Variants in SORBS2 observed in about 807,000 individuals in gnomAD.
The protein encoded by SORBS2 is sorbin and SH3 domain containing 2.
SORBS2 carries 46 observed loss-of-function variants against 97.7 expected under a neutral mutation model. That is an observed-to-expected ratio of 0.47 (90% CI 0.37 to 0.60). SORBS2 has a LOEUF of 0.60. SORBS2 is among the 20% of genes least tolerant of loss of function. The pLI is 0.00. For synonymous variants in SORBS2, 476 were observed against 473.4 expected, an observed-to-expected ratio of 1.01 and a Z score of -0.07; for missense variants, 1,316 against 1,282.3, an observed-to-expected ratio of 1.03 and a Z score of -0.40.
At chr4:185,908,826 C>T (rs75351232) in intron 1 of SORBS2, among the ~76,000 whole-genome samples, 4,411 of 151,880 alleles carry the variant, frequency 0.029, 206 homozygotes, top group African/African-American at 0.1. Context: ...AAACATGAAA[C>T]CATAAGGCTC....
At chr4:185,942,849 T>C (rs1248238400) in intron 1 of SORBS2, among the ~76,000 whole-genome samples, 1 of 152,244 alleles carries the variant, frequency 6.6e-6, no homozygotes, top group Non-Finnish European at 1.5e-5. Flanking sequence ...GACTGGTTCA[T>C]AATCTGATAG....
At chr4:185,784,481 A>G (rs2099046920) in intron 1 of SORBS2, among the ~76,000 whole-genome samples, 1 of 152,138 alleles carries the variant, frequency 6.6e-6, no homozygotes, top group African/African-American at 2.4e-5. Context: ...ACTGAAATGC[A>G]GATGTCATTC....
intron 1 of SORBS2, among the ~76,000 whole-genome samples, chr4:185,792,492 G>A (rs1364675459): frequency 1.3e-5 from 2 of 148,242 alleles, no homozygotes; most frequent in African/African-American, 5.0e-5. Context: ...CGACTCCATC[G>A]AAAAGAAAAG....
chr4:185,662,253 C>A lies in SORBS2; in HGVS notation c.-45-11G>T. The A allele has an allele frequency of 1.3e-6, 2 of 1,595,490 alleles. No individual in the cohort carries two copies. The highest frequency in any genetic ancestry group is 1.7e-6 in the Non-Finnish European group (2 of 1,170,332). ...CACTGTTATCTGGCTCTGAGAAAAG[C>A]GCAAAGGCATCGAGTTAAATTAGCA... On this transcript the variant is annotated splice_polypyrimidine_tract_variant and intron_variant, in intron 4 of 20. Transcript: ENST00000284776.
rs564051522 is a variant in SORBS2, at chr4:185,591,455, G to A, written c.2847-1670C>T. On this transcript the variant is annotated intron_variant, in intron 13 of 14. Transcript: ENST00000418609. ...ACAGGCAGGTGTGGAATACAGAAACGTCACCTGATTTGGATGTTTGCATGT... is the reference window on the plus strand; with the variant it reads ...ACAGGCAGGTGTGGAATACAGAAACATCACCTGATTTGGATGTTTGCATGT... Among the ~76,000 whole-genome samples, 9 of 152,278 alleles carry A rather than the reference G, an allele frequency of 5.9e-5. No homozygotes were observed. The South Asian group carries it at 1.9e-3, about 32-fold the overall frequency.
At chr4:185,743,710 C>T (rs1306128202) in intron 2 of SORBS2, among the ~76,000 whole-genome samples, 1 of 152,000 alleles carries the variant, frequency 6.6e-6, no homozygotes, top group Non-Finnish European at 1.5e-5. Flanking sequence ...ATGGTGAGCC[C>T]CTCCTCCTCC....
intron 11 of SORBS2, among the ~76,000 whole-genome samples, chr4:185,612,496 T>TC (rs2153405266): frequency 6.6e-6 from 1 of 150,936 alleles, no homozygotes; most frequent in African/African-American, 2.4e-5. Flanking sequence ...TTTCTATTTT[T>TC]TTTTTTTTTT....
chr4:185,828,915 G>A (rs896280039), intron 1 of SORBS2, among the ~76,000 whole-genome samples: 1 of 152,158 alleles, frequency 6.6e-6, no homozygotes, highest in African/African-American at 2.4e-5. Context: ...TCCAAGTGTG[G>A]CTGGAATCTG....
chr4:185,852,202 G>A (rs528236575), intron 1 of SORBS2, among the ~76,000 whole-genome samples: 34 of 152,140 alleles, frequency 2.2e-4, no homozygotes, highest in African/African-American at 7.2e-4. Context: ...CTGTAAATTC[G>A]GCTCCTATTT....
intron 13 of SORBS2, chr4:185,592,891 TAC>T (rs2095987002): frequency 6.6e-6 from 1 of 152,196 alleles, no homozygotes; most frequent in Non-Finnish European, 1.5e-5. Context: ...CTTTCCAAAA[TAC>T]AGACTTTCCC....
intron 6 of SORBS2, among the ~76,000 whole-genome samples, chr4:185,625,465 T>C (rs2096795073): frequency 6.6e-6 from 1 of 152,236 alleles, no homozygotes; most frequent in African/African-American, 2.4e-5. Context: ...TACCTTACAA[T>C]GTTCTCTAAA....
intron 1 of SORBS2, among the ~76,000 whole-genome samples, chr4:185,786,384 C>T (rs1259096056): frequency 6.6e-6 from 1 of 152,080 alleles, no homozygotes; most frequent in Non-Finnish European, 1.5e-5. Context: ...TTTGTAAGGC[C>T]CTGTGAGAGT....
At chr4:185,766,051 C>A (rs13105380) in intron 2 of SORBS2, among the ~76,000 whole-genome samples, 1 of 152,084 alleles carries the variant, frequency 6.6e-6, no homozygotes, top group Admixed American at 6.5e-5. Flanking sequence ...TAAGAGATGT[C>A]ACTCTGTAAG....
intron 2 of SORBS2, among the ~76,000 whole-genome samples, chr4:185,742,532 G>A (rs1169798669): frequency 2.6e-5 from 4 of 152,162 alleles, no homozygotes; most frequent in Non-Finnish European, 4.4e-5. Context: ...CCACAGCCTC[G>A]TGGATTTTCC....
At chr4:185,953,243 G>C (rs1008372281) in intron 1 of SORBS2, among the ~76,000 whole-genome samples, 1 of 152,246 alleles carries the variant, frequency 6.6e-6, no homozygotes, top group African/African-American at 2.4e-5. Context: ...GAACCCGGGA[G>C]GTGGAGTTTG....
At chr4:185,786,642 C>T (rs1029617395) in intron 1 of SORBS2, among the ~76,000 whole-genome samples, 1 of 152,308 alleles carries the variant, frequency 6.6e-6, no homozygotes, top group South Asian at 2.1e-4. Context: ...TACTTAATCT[C>T]CCTGAGCCTG....
chr4:185,604,071 T>G (rs148166627), intron 12 of SORBS2, among the ~76,000 whole-genome samples: 10 of 152,312 alleles, frequency 6.6e-5, no homozygotes, highest in South Asian at 2.1e-4. Context: ...ATGTGATGCT[T>G]CTCATGCTGA....
chr4:185,844,738 G>C (rs1475428605), intron 1 of SORBS2, among the ~76,000 whole-genome samples: 1 of 152,154 alleles, frequency 6.6e-6, no homozygotes. Context: ...ATAAAGAAAA[G>C]ATGGCATATT....
At chr4:185,797,316 C>G (rs991050249) in intron 1 of SORBS2, among the ~76,000 whole-genome samples, 15 of 152,216 alleles carry the variant, frequency 9.9e-5, no homozygotes, top group African/African-American at 3.6e-4. Flanking sequence ...TTCCTCTTGT[C>G]GAATTCATCG....
Sources: gnomAD v4.1 joint callset for allele counts (sites outside exome capture counted in the v4.1 genomes callset) on GRCh38, gnomAD v4.1.1 for gene constraint, MANE v1.5 for transcripts, NCBI Gene and HGNC (gene_info 2026-07-23, HGNC 2026-07-21) for gene names.